ZBTB46: variants seen among roughly 807,000 people sequenced by gnomAD.
ZBTB46 encodes zinc finger and BTB domain containing 46.
ZBTB46 carries 8 observed loss-of-function variants against 44.1 expected under a neutral mutation model. That is an observed-to-expected ratio of 0.18 (90% CI 0.11 to 0.33). The LOEUF is 0.33. ZBTB46 is among the 10% of genes least tolerant of loss of function. ZBTB46 has a pLI of 1.00. For synonymous variants in ZBTB46, 409 were observed against 382.3 expected (o/e 1.07, Z -0.81); for missense variants, 651 against 847.7 (o/e 0.77, Z 2.88).
intron 1 of ZBTB46, among the ~76,000 whole-genome samples, chr20:63,806,172 C>T (rs141335934): frequency 0.05 from 7,478 of 150,084 alleles, 263 homozygotes; most frequent in Non-Finnish European, 0.074. Flanking sequence ...GAGGCTGAGA[C>T]GAGCGGATCA....
At chr20:63,775,542 C>G in intron 3 of ZBTB46, 136 bp downstream of exon 3, 1 of 1,215,894 alleles carries the variant, frequency 8.2e-7, no homozygotes, top group South Asian at 1.6e-5. Context: ...ATCCTCACCT[C>G]CCGCAACAGG....
intron 2 of ZBTB46, among the ~76,000 whole-genome samples, 178 bp downstream of exon 2, chr20:63,789,643 C>A (rs2092543432): frequency 6.6e-6 from 1 of 152,262 alleles, no homozygotes; most frequent in Non-Finnish European, 1.5e-5. Flanking sequence ...TGATGCCCTG[C>A]CCTTTGAGAT....
chr20:63,823,697 C>CA (rs996647997), intron 1 of ZBTB46, among the ~76,000 whole-genome samples: 12 of 150,884 alleles, frequency 8.0e-5, no homozygotes, highest in Admixed American at 5.3e-4. Flanking sequence ...GGCCCCTTCT[C>CA]AAAAAAAAAT....
rs2092555535 is a variant in ZBTB46 at position 63,790,852 on chromosome 20, C to T, written c.-33-62G>A. 22 of 1,451,922 alleles carry T rather than the reference C, an allele frequency of 1.5e-5. 1 individual carries two copies. In the South Asian group the frequency reaches 2.4e-4, roughly 16 times the overall value. 89.9% of individuals were successfully genotyped at this position (1,451,922 alleles called of 1,614,324 possible). ...ACAGACAGAGGCCGTGAGAGGACGC[C>T]GGGCGGGGCGCAGGAGGGCCATGGG... On this transcript the variant is annotated intron_variant, in intron 1 of 4. Transcript: ENST00000245663.
At chr20:63,762,653 A>AAAAC (rs201298710) in intron 3 of ZBTB46, among the ~76,000 whole-genome samples, 19 of 150,084 alleles carry the variant, frequency 1.3e-4, no homozygotes, top group Admixed American at 8.6e-4. Flanking sequence ...CTTCTCTCAA[A>AAAAC]AAACAAACAA....
Position 63,775,924 on chromosome 20 carries a change from T to C in ZBTB46, c.976A>G (p.Ser326Gly), listed in dbSNP as rs960489909. 7 of 1,591,178 alleles carry C rather than the reference T, an allele frequency of 4.4e-6. No homozygotes were observed. The highest frequency in any genetic ancestry group is 5.1e-6 in the Non-Finnish European group (6 of 1,171,126). The change falls in exon 3 of 5, where the codon AGC (serine) becomes GGC (glycine). Residue 326 changes from serine (S) to glycine (G), a missense_variant. Coordinates refer to ENST00000245663, the MANE Select transcript of ZBTB46 (RefSeq NM_001369741.1). ...LSVTEASSSD[S>G]RGERAELYAQ... The stretch of plus-strand genomic sequence containing the variant: ...TAGAGCTCGGCCCTCTCTCCTCGGC[T>C]GTCGGAGCTGCTGGCTTCGGTGACG...
rs1342621030 is a variant in ZBTB46, at chr20:63,767,134, ACGTGGAG to A, written c.1222+8537_1222+8543del. ...CACATTCCCGTAATTCCACGCCGAC[ACGTGGAG>A]CGCCGCGCACATGCCAGGCACACAC... On this transcript the variant is annotated intron_variant, in intron 3 of 4. Transcript: ENST00000245663. This position sits in a 1 kb window ranked among gnomAD's most constrained non-coding sequence, Gnocchi z 5.0. Among the ~76,000 whole-genome samples, 2 of 152,348 alleles carry A rather than the reference ACGTGGAG, an allele frequency of 1.3e-5. No homozygotes were observed. Among genetic ancestry groups the A allele is most frequent in the Non-Finnish European group, 2.9e-5 (2 of 68,026 alleles).
intron 3 of ZBTB46, among the ~76,000 whole-genome samples, chr20:63,758,892 C>T (rs976266374): frequency 1.6e-4 from 21 of 132,896 alleles, no homozygotes; most frequent in African/African-American, 3.8e-4. Context: ...CCACCACGCC[C>T]GGCTAATTTT....
chr20:63,804,607 T>A (rs2145997147), intron 1 of ZBTB46, among the ~76,000 whole-genome samples: 1 of 152,052 alleles, frequency 6.6e-6, no homozygotes, highest in South Asian at 2.1e-4. Context: ...AAAACTACAG[T>A]ACCAGGCCGG....
intron 2 of ZBTB46, chr20:63,788,312 G>A (rs1447353988): frequency 6.6e-6 from 1 of 152,188 alleles, no homozygotes; most frequent in Non-Finnish European, 1.5e-5. Flanking sequence ...GCCACAGCCT[G>A]GGGAAAAGAG....
chr20:63,809,963 A>AAG (rs1323161854), intron 1 of ZBTB46, among the ~76,000 whole-genome samples: 1 of 147,740 alleles, frequency 6.8e-6, no homozygotes, highest in Non-Finnish European at 1.5e-5. Context: ...CCCTCTCTCA[A>AAG]AAAAAAAAAA....
chr20:63,796,898 G>A (rs886656309), intron 1 of ZBTB46, among the ~76,000 whole-genome samples: 3 of 152,046 alleles, frequency 2.0e-5, no homozygotes, highest in Admixed American at 6.6e-5. Context: ...GGCCAGGCAC[G>A]GTGGCTCAGG....
At chr20:63,769,203 G>A (rs756888324) in intron 3 of ZBTB46, 191 of 985,406 alleles carry the variant, frequency 1.9e-4, no homozygotes, top group Non-Finnish European at 2.2e-4. Context: ...TGCCCCAAGT[G>A]TTTGGCCCAG....
chr20:63,752,637 C>T lies in ZBTB46; in HGVS notation c.1398+49G>A, dbSNP rs564963820. ...CCTCATCAGGACCCGCCTGCCCGGACATCGTGGCCACGCGCAGCGCGCGGC... is the reference window on the plus strand; with the variant it reads ...CCTCATCAGGACCCGCCTGCCCGGATATCGTGGCCACGCGCAGCGCGCGGC... On this transcript the variant is annotated intron_variant, in intron 4 of 4. Coordinates refer to ENST00000245663, the MANE Select transcript of ZBTB46 (RefSeq NM_001369741.1). This position sits in a 1 kb window ranked among gnomAD's most constrained non-coding sequence, Gnocchi z 5.6. 5.5e-6 allele frequency: 8 copies of T among 1,459,084 alleles called. No homozygotes were observed. The South Asian group carries it at 9.6e-5, about 17-fold the overall frequency. The allele number at this position is 1,459,084 out of a possible 1,614,324, so 90.4% of individuals were successfully genotyped here. A position where few individuals can be genotyped will look rare whatever the true frequency, so the allele number is the denominator to read the frequency against.
chr20:63,800,454 C>T (rs1351996153), intron 1 of ZBTB46, among the ~76,000 whole-genome samples: 7 of 152,264 alleles, frequency 4.6e-5, no homozygotes, highest in Admixed American at 3.3e-4. Context: ...TCAGCGCCCA[C>T]TCTGGCTGCA....
intron 3 of ZBTB46, among the ~76,000 whole-genome samples, chr20:63,774,950 G>A (rs2092411435): frequency 1.3e-5 from 2 of 152,086 alleles, no homozygotes; most frequent in Non-Finnish European, 2.9e-5. Flanking sequence ...TGGTCTGCCC[G>A]CCTCAGCCTC....
chr20:63,819,329 G>A (rs1221013086), intron 1 of ZBTB46, among the ~76,000 whole-genome samples: 1 of 152,188 alleles, frequency 6.6e-6, no homozygotes, highest in African/African-American at 2.4e-5. Context: ...GATGCTGCCT[G>A]CCAGCTTTGC....
At chr20:63,828,735 C>T (rs912791225) in intron 1 of ZBTB46, among the ~76,000 whole-genome samples, 1 of 152,370 alleles carries the variant, frequency 6.6e-6, no homozygotes. Context: ...CTAGACCTTT[C>T]CTCTCACTTT....
chr20:63,746,634 G>A lies in ZBTB46; in HGVS notation c.*296C>T, dbSNP rs1042448539. The A allele has an allele frequency of 7.8e-6, 3 of 383,224 alleles. No individual in the cohort carries two copies. The highest frequency in any genetic ancestry group is 1.4e-5 in the Non-Finnish European group (3 of 215,700). 23.7% of individuals were successfully genotyped at this position (383,224 alleles called of 1,614,324 possible). Reference sequence around the variant, plus strand: ...TCCAAGCCAGGCTGGCCATCACAGGGGCCACTCACACACCCGCACCACCTG... The same window carrying A: ...TCCAAGCCAGGCTGGCCATCACAGGAGCCACTCACACACCCGCACCACCTG... On this transcript the variant is annotated 3_prime_UTR_variant, in exon 5 of 5. Coordinates refer to ENST00000245663, the MANE Select transcript of ZBTB46 (RefSeq NM_001369741.1).
Sources: allele counts gnomAD v4.1 joint callset (sites outside exome capture counted in the v4.1 genomes callset), GRCh38; gene constraint gnomAD v4.1.1; non-coding constraint Gnocchi (gnomAD v3.1); transcripts MANE v1.5; gene names NCBI Gene and HGNC (gene_info 2026-07-23, HGNC 2026-07-21).